Variants in BECN1 observed in about 807,000 individuals in gnomAD.
BECN1 encodes beclin-1.
In BECN1, 15 loss-of-function variants were observed where a neutral mutation model predicts 60.1. The observed-to-expected ratio is 0.25, with a 90% CI of 0.17 to 0.38. The LOEUF (loss-of-function observed/expected upper bound fraction) is 0.38, where lower values mean the gene tolerates loss of function less well. BECN1 is among the 10% of genes least tolerant of loss of function. The probability of loss-of-function intolerance (pLI) is 1.00; values close to 1 mark genes in which losing one functional copy is unlikely to be tolerated. For missense variants in BECN1, 424 were observed against 548.2 expected, an observed-to-expected ratio of 0.77 and a Z score of 2.26; for synonymous variants, 179 against 201.8, an observed-to-expected ratio of 0.89 and a Z score of 0.96.
Position 42,824,228 on chromosome 17 carries a change from C to G in BECN1, c.-76G>C. Reference sequence around the variant, plus strand: ...CTGTGGCCTCGGGTCGGCCCCGGAGCGAGGCCTCCAGAACTACCATCGCTC... The same window carrying G: ...CTGTGGCCTCGGGTCGGCCCCGGAGGGAGGCCTCCAGAACTACCATCGCTC... On this transcript the variant is annotated 5_prime_UTR_variant, in exon 1 of 12. Transcript: ENST00000590099. The G allele has an allele frequency of 4.9e-6, 2 of 407,756 alleles. No individual in the cohort carries two copies. The highest frequency in any genetic ancestry group is 4.3e-6 in the Non-Finnish European group (1 of 230,074). 25.3% of individuals were successfully genotyped at this position (407,756 alleles called of 1,614,324 possible). A position where few individuals can be genotyped will look rare whatever the true frequency, so the allele number is the denominator to read the frequency against.
At position 42,823,933 on chromosome 17, in the gene BECN1, G is replaced by A. The variant is rs746862490; in HGVS notation, c.-2-54C>T. ...GGGAGAAGCGACGCCCTTGACCTCC[G>A]GCCCGGGGTTACCACATGCCTTGGT... is the stretch of plus-strand genomic sequence containing the variant. On this transcript the variant is annotated intron_variant, in intron 1 of 11. Transcript: ENST00000590099. 7 of 1,589,206 alleles carry A rather than the reference G, an allele frequency of 4.4e-6. No individual in the cohort carries two copies. In the South Asian group the frequency reaches 6.8e-5, roughly 15 times the overall value.
chr17:42,817,189 G>A (rs2055163874), intron 7 of BECN1, among the ~76,000 whole-genome samples: 1 of 151,886 alleles, frequency 6.6e-6, no homozygotes, highest in Admixed American at 6.6e-5. Flanking sequence ...CAGCTACTTG[G>A]GAGGCTGAGG....
intron 10 of BECN1, chr17:42,813,662 TACTC>T: frequency 4.2e-6 from 1 of 236,000 alleles, no homozygotes; most frequent in Non-Finnish European, 8.2e-6. Flanking sequence ...CTTCTGGTGA[TACTC>T]AACCTGTAAA....
chr17:42,819,695 T>A, intron 3 of BECN1, 86 bp from the exon 4 acceptor site: 1 of 1,332,400 alleles, frequency 7.5e-7, no homozygotes, highest in East Asian at 2.4e-5. Context: ...TATATGGCTT[T>A]AGTCTTGATA....
In BECN1 at chr17:42,823,568, A is replaced by G. The variant is rs766239678; in HGVS notation, c.130+180T>C. 145 of 922,022 alleles carry G rather than the reference A, an allele frequency of 1.6e-4. 1 individual carries two copies. Among genetic ancestry groups the G allele is most frequent in the Non-Finnish European group, 2.1e-4 (137 of 659,438 alleles). 57.1% of individuals were successfully genotyped at this position (922,022 alleles called of 1,614,324 possible). A position where few individuals can be genotyped will look rare whatever the true frequency, so the allele number is the denominator to read the frequency against. On this transcript the variant is annotated intron_variant, in intron 2 of 11. Transcript: ENST00000590099. ...CGCGCCCGGTCGGAAAGCTCTCAGA[A>G]GTCCACAATGTCAGAATGCTTTATG...
intron 2 of BECN1, among the ~76,000 whole-genome samples, chr17:42,822,968 A>G (rs2055300574): frequency 6.6e-6 from 1 of 152,078 alleles, no homozygotes; most frequent in African/African-American, 2.4e-5. Flanking sequence ...GGCGTGAGCC[A>G]TCACATCCAG....
At chr17:42,822,288 T>G (rs772283859) in intron 2 of BECN1, among the ~76,000 whole-genome samples, 1 of 152,236 alleles carries the variant, frequency 6.6e-6, no homozygotes, top group South Asian at 2.1e-4. Flanking sequence ...TGAATACTAT[T>G]TGCCCAGCAA....
intron 10 of BECN1, chr17:42,812,109 G>C: frequency 4.0e-6 from 1 of 250,160 alleles, no homozygotes; most frequent in East Asian, 9.7e-5. Context: ...AATAGACCAG[G>C]AGCAGTGGCT....
Sources: allele counts gnomAD v4.1 joint callset (sites outside exome capture counted in the v4.1 genomes callset), GRCh38; gene constraint gnomAD v4.1.1; transcripts MANE v1.5; gene names NCBI Gene and HGNC (gene_info 2026-07-23, HGNC 2026-07-21).